Variants in CADM2 observed in about 807,000 individuals in gnomAD.
CADM2 encodes immunoglobulin superfamily member 4D.
Under a neutral mutation model 49.8 loss-of-function variants are expected in CADM2, and 12 were observed. That is an observed-to-expected ratio of 0.24 (90% CI 0.15 to 0.39). CADM2 has a LOEUF of 0.39. Among genes scored for constraint, CADM2 ranks in the 10% least tolerant of loss-of-function variants. The pLI is 1.00. For missense variants in CADM2, 378 were observed against 492.3 expected, an observed-to-expected ratio of 0.77 and a Z score of 2.20; for synonymous variants, 214 against 175.4, an observed-to-expected ratio of 1.22 and a Z score of -1.74.
chr3:85,046,644 G>C (rs1335014112), intron 1 of CADM2, among the ~76,000 whole-genome samples: 1 of 151,698 alleles, frequency 6.6e-6, no homozygotes, highest in Non-Finnish European at 1.5e-5. Context: ...CATGTTATGT[G>C]ACAATTAAAA....
intron 1 of CADM2, among the ~76,000 whole-genome samples, chr3:85,388,196 T>G (rs1250442131): frequency 6.6e-6 from 1 of 152,244 alleles, no homozygotes; most frequent in Non-Finnish European, 1.5e-5. Context: ...GCCTGGCCAA[T>G]TTTATTTTTT....
chr3:85,350,994 T>A (rs558381427), intron 1 of CADM2, among the ~76,000 whole-genome samples: 2 of 152,250 alleles, frequency 1.3e-5, no homozygotes, highest in South Asian at 4.1e-4. Flanking sequence ...TTCTCAAAAA[T>A]AATTTTAAAA....
At chr3:85,751,757 C>T (rs760015228) in intron 2 of CADM2, among the ~76,000 whole-genome samples, 41 of 152,120 alleles carry the variant, frequency 2.7e-4, no homozygotes, top group Non-Finnish European at 5.7e-4. Context: ...CCAACACTTG[C>T]AATTATCCAG....
intron 1 of CADM2, among the ~76,000 whole-genome samples, chr3:85,632,229 C>T (rs1476310243): frequency 1.3e-5 from 2 of 152,072 alleles, no homozygotes; most frequent in Non-Finnish European, 2.9e-5. Context: ...CTAGCTCTCT[C>T]TTTGCCTGCT....
chr3:85,650,454 CTA>C (rs1305046540), intron 1 of CADM2, among the ~76,000 whole-genome samples: 1 of 149,232 alleles, frequency 6.7e-6, no homozygotes, highest in Non-Finnish European at 1.5e-5. Context: ...GTGTGTGTAA[CTA>C]TGTGTTAGTG....
intron 1 of CADM2, among the ~76,000 whole-genome samples, chr3:85,605,876 C>G (rs1300789201): frequency 6.6e-6 from 1 of 152,050 alleles, no homozygotes; most frequent in East Asian, 1.9e-4. Context: ...GAAACTCTTT[C>G]CTGAATAAAG....
chr3:85,860,660 AG>A (rs1294331693), intron 3 of CADM2, among the ~76,000 whole-genome samples: 1 of 152,160 alleles, frequency 6.6e-6, no homozygotes, highest in African/African-American at 2.4e-5. Context: ...AGGGTCTATT[AG>A]GGCATGAATT....
chr3:85,396,540 A>G (rs2107419087), intron 1 of CADM2, among the ~76,000 whole-genome samples: 1 of 152,154 alleles, frequency 6.6e-6, no homozygotes, highest in South Asian at 2.1e-4. Context: ...GTAATCCAAT[A>G]CCTACAAAAT....
At chr3:85,713,360 G>T (rs2107742888) in intron 1 of CADM2, among the ~76,000 whole-genome samples, 1 of 152,174 alleles carries the variant, frequency 6.6e-6, no homozygotes. Flanking sequence ...TGTTGGCCAG[G>T]CTGGTCTCAT....
intron 1 of CADM2, among the ~76,000 whole-genome samples, chr3:85,397,476 C>T (rs959360031): frequency 1.3e-5 from 2 of 151,966 alleles, no homozygotes; most frequent in African/African-American, 4.8e-5. Flanking sequence ...ATGGAAATAA[C>T]GAAAATACCC....
intron 3 of CADM2, among the ~76,000 whole-genome samples, chr3:85,816,273 C>G (rs866352166): frequency 5.3e-5 from 8 of 151,142 alleles, no homozygotes; most frequent in Middle Eastern, 3.4e-3. Context: ...AGAGCACCAA[C>G]CTAAAGGTTA....
intron 3 of CADM2, among the ~76,000 whole-genome samples, chr3:85,812,070 C>A (rs2072917790): frequency 6.6e-6 from 1 of 151,872 alleles, no homozygotes; most frequent in Admixed American, 6.6e-5. Context: ...ATTGAGAATA[C>A]TAAAATAAAT....
At chr3:85,992,483 A>G (rs1182791279) in intron 8 of CADM2, 1 of 152,114 alleles carries the variant, frequency 6.6e-6, no homozygotes, top group Non-Finnish European at 1.5e-5. Flanking sequence ...TTGAATACAG[A>G]TAAGTTTAAG....
At chr3:85,362,910 C>G (rs182606695) in intron 1 of CADM2, among the ~76,000 whole-genome samples, 1 of 152,072 alleles carries the variant, frequency 6.6e-6, no homozygotes, top group African/African-American at 2.4e-5. Flanking sequence ...CAAACACTTA[C>G]GAATGTAAGT....
chr3:85,726,157 T>A (rs957366349), intron 1 of CADM2, among the ~76,000 whole-genome samples: 1 of 152,026 alleles, frequency 6.6e-6, no homozygotes, highest in Middle Eastern at 3.2e-3. Context: ...GGGGTTACAA[T>A]CTGATTGTTA....
intron 1 of CADM2, among the ~76,000 whole-genome samples, chr3:85,159,604 T>G (rs2040251764): frequency 6.6e-6 from 1 of 152,160 alleles, no homozygotes; most frequent in Admixed American, 6.5e-5. Flanking sequence ...AAAGCCATAA[T>G]CTTGTGACAG....
chr3:85,718,545 AAG>A (rs1433334152), intron 1 of CADM2, among the ~76,000 whole-genome samples: 2 of 152,320 alleles, frequency 1.3e-5, no homozygotes, highest in Non-Finnish European at 1.5e-5. Context: ...GCATAAGAAA[AAG>A]AGATTTAAAA....
rs559922622 is a variant in CADM2, at chr3:85,182,507, T to C, written c.61+222839T>C. Among the ~76,000 whole-genome samples, 10 of 152,192 alleles carry C rather than the reference T, an allele frequency of 6.6e-5. No homozygotes were observed. In the South Asian group the frequency reaches 2.1e-3, roughly 32 times the overall value. The stretch of plus-strand genomic sequence containing the variant: ...AATCCCAAATTGAGGGACATTCTAC[T>C]ATGTACCTTCAAAAGTGTTGATGAC... On this transcript the variant is annotated intron_variant, in intron 1 of 9. Transcript: ENST00000383699.
At chr3:85,589,573 T>G (rs1462984720) in intron 1 of CADM2, among the ~76,000 whole-genome samples, 2 of 151,980 alleles carry the variant, frequency 1.3e-5, no homozygotes, top group Non-Finnish European at 2.9e-5. Flanking sequence ...CTGAATGCAG[T>G]GTATAAATAT....
Sources: allele counts gnomAD v4.1 joint callset (sites outside exome capture counted in the v4.1 genomes callset), GRCh38; gene constraint gnomAD v4.1.1; transcripts MANE v1.5; gene names NCBI Gene and HGNC (gene_info 2026-07-23, HGNC 2026-07-21).